The following HPSE2 variants were observed in gnomAD, a reference collection of about 807,000 sequenced individuals.
HPSE2 encodes inactive heparanase-2.
A neutral mutation model predicts 60.5 loss-of-function variants in HPSE2; 38 were observed. The observed-to-expected ratio is 0.63, with a 90% CI of 0.48 to 0.82. The LOEUF is 0.82. HPSE2 is among the 40% of genes least tolerant of loss of function. The pLI, the probability that HPSE2 is intolerant of heterozygous loss-of-function variation, is 0.00. For synonymous variants in HPSE2, 295 were observed against 293.2 expected (o/e 1.01, Z -0.06); for missense variants, 713 against 740.4 (o/e 0.96, Z 0.43).
chr10:98,799,269 G>A (rs1417121010), intron 3 of HPSE2, among the ~76,000 whole-genome samples: 1 of 152,156 alleles, frequency 6.6e-6, no homozygotes, highest in Non-Finnish European at 1.5e-5. Flanking sequence ...ACCCAATACT[G>A]GAGTGCCCAG....
chr10:99,241,361 A>G, the HPSE2 span, among the ~76,000 whole-genome samples: 1 of 152,228 alleles, frequency 6.6e-6, no homozygotes, highest in Non-Finnish European at 1.5e-5. Flanking sequence ...AAAATTTTTA[A>G]TGGTTCTAAG....
chr10:98,516,560 C>T (rs180701686), intron 9 of HPSE2, among the ~76,000 whole-genome samples: 1 of 152,308 alleles, frequency 6.6e-6, no homozygotes, highest in Admixed American at 6.5e-5. Flanking sequence ...AATTCAGAGC[C>T]ACTACTGCCT....
intron 3 of HPSE2, among the ~76,000 whole-genome samples, chr10:98,909,064 T>G (rs755512961): frequency 3.3e-5 from 5 of 152,116 alleles, no homozygotes; most frequent in Non-Finnish European, 7.3e-5. Flanking sequence ...AGTTATGCCA[T>G]CAAGGTAACT....
At chr10:99,152,192 T>A (rs1846295870) in intron 2 of HPSE2, among the ~76,000 whole-genome samples, 2 of 151,346 alleles carry the variant, frequency 1.3e-5, no homozygotes, top group South Asian at 4.2e-4. Flanking sequence ...GCGCCTGTAG[T>A]CCCAGCTACT....
chr10:99,067,755 T>C (rs776690188), intron 3 of HPSE2, among the ~76,000 whole-genome samples: 6 of 152,222 alleles, frequency 3.9e-5, no homozygotes, highest in Admixed American at 6.5e-5. Flanking sequence ...CTCTGATTTG[T>C]CCTGGAGACA....
At chr10:99,265,556 C>A in the HPSE2 span, among the ~76,000 whole-genome samples, 1 of 152,180 alleles carries the variant, frequency 6.6e-6, no homozygotes, top group Non-Finnish European at 1.5e-5. Context: ...TGTAGCAAAC[C>A]TGCACATCTT....
chr10:98,647,373 C>G (rs1946798724), intron 6 of HPSE2, among the ~76,000 whole-genome samples: 2 of 152,188 alleles, frequency 1.3e-5, no homozygotes, highest in South Asian at 4.1e-4. Context: ...AACCTTTGCC[C>G]TTTATTATCT....
At chr10:98,745,512 C>T (rs1261769220) in intron 3 of HPSE2, among the ~76,000 whole-genome samples, 1 of 152,134 alleles carries the variant, frequency 6.6e-6, no homozygotes, top group Non-Finnish European at 1.5e-5. Context: ...TACAACTCAC[C>T]CATAATTTTC....
intron 2 of HPSE2, among the ~76,000 whole-genome samples, chr10:99,144,623 T>C (rs1325813525): frequency 6.6e-6 from 1 of 152,180 alleles, no homozygotes; most frequent in Non-Finnish European, 1.5e-5. Flanking sequence ...ATCTGTTTCT[T>C]AGCTCTTTCT....
chr10:99,132,241 G>GAGAGAGAAAGAAAGAAAGAA (rs1845466494), intron 3 of HPSE2, among the ~76,000 whole-genome samples: 1 of 28,970 alleles, frequency 3.5e-5, no homozygotes, highest in African/African-American at 1.1e-4. Flanking sequence ...GAGAGAGAGA[G>GAGAGAGAAAGAAAGAAAGAA]AGAAAGAAAG....
At chr10:98,538,873 T>C (rs1943371674) in intron 9 of HPSE2, among the ~76,000 whole-genome samples, 1 of 152,166 alleles carries the variant, frequency 6.6e-6, no homozygotes, top group African/African-American at 2.4e-5. Flanking sequence ...AACAGAGGCA[T>C]AAGCATACGC....
intron 9 of HPSE2, among the ~76,000 whole-genome samples, chr10:98,600,182 G>A (rs572106261): frequency 6.6e-6 from 1 of 152,212 alleles, no homozygotes; most frequent in South Asian, 2.1e-4. Flanking sequence ...TACCCTCAAG[G>A]AGCTTATATT....
chr10:99,058,647 T>C (rs1363519239), intron 3 of HPSE2, among the ~76,000 whole-genome samples: 1 of 152,208 alleles, frequency 6.6e-6, no homozygotes, highest in Non-Finnish European at 1.5e-5. Flanking sequence ...ATCCAAACTC[T>C]ATATTTTAAG....
At chr10:98,962,993 A>G (rs549216508) in intron 3 of HPSE2, among the ~76,000 whole-genome samples, 1 of 152,304 alleles carries the variant, frequency 6.6e-6, no homozygotes, top group East Asian at 1.9e-4. Context: ...TACAGAGCAC[A>G]TTCTCTGTGA....
At position 98,929,386 on chromosome 10, in the gene HPSE2, G is replaced by A. The variant is rs538332298; in HGVS notation, c.611-185330C>T. ...ATAAAATAAAAATTTTAAAACTCTA[G>A]ACTTCAGATTTCTTGTCTGCAAAAT... On this transcript the variant is annotated intron_variant, in intron 3 of 11. Transcript: ENST00000370552. Among the ~76,000 whole-genome samples, 5 of 144,108 alleles carry A rather than the reference G, an allele frequency of 3.5e-5. 1 individual carries two copies. In the South Asian group the frequency reaches 1.1e-3, roughly 30 times the overall value. The allele number at this position is 144,108 out of a possible 152,430, so 94.5% of individuals were successfully genotyped here.
chr10:98,757,878 C>A (rs1195671357), intron 3 of HPSE2, among the ~76,000 whole-genome samples: 1 of 151,950 alleles, frequency 6.6e-6, no homozygotes, highest in Non-Finnish European at 1.5e-5. Flanking sequence ...ACCCAAATAG[C>A]CAAAGCAATC....
At chr10:99,150,329 C>G (rs542868790) in intron 2 of HPSE2, among the ~76,000 whole-genome samples, 1 of 152,022 alleles carries the variant, frequency 6.6e-6, no homozygotes, top group Non-Finnish European at 1.5e-5. Flanking sequence ...GGCAGACCAG[C>G]CAAAAAAATT....
At chr10:98,611,888 A>G (rs1945772116) in intron 9 of HPSE2, among the ~76,000 whole-genome samples, 2 of 152,220 alleles carry the variant, frequency 1.3e-5, no homozygotes, top group African/African-American at 2.4e-5. Flanking sequence ...GTGCTGAATC[A>G]GTGGAACTTG....
chr10:98,489,899 T>A, intron 10 of HPSE2, 152 bp downstream of exon 10: 1 of 804,322 alleles, frequency 1.2e-6, no homozygotes. Context: ...TACCAGAAAT[T>A]ATTTGAAACC....
Sources: gnomAD v4.1 joint callset for allele counts (sites outside exome capture counted in the v4.1 genomes callset) on GRCh38, gnomAD v4.1.1 for gene constraint, MANE v1.5 for transcripts, NCBI Gene and HGNC (gene_info 2026-07-23, HGNC 2026-07-21) for gene names.